The following CAPS2 variants were observed in gnomAD, a reference collection of about 807,000 sequenced individuals.
The protein encoded by CAPS2 is calcyphosin-2.
CAPS2 carries 98 observed loss-of-function variants against 86.5 expected under a neutral mutation model. The ratio of observed to expected loss-of-function variants is 1.13; its 90% confidence interval spans 0.96 to 1.34. The LOEUF (loss-of-function observed/expected upper bound fraction) is 1.34. Among genes scored for constraint, CAPS2 ranks in the 40% most tolerant of loss-of-function variants. The pLI is 0.00. For synonymous variants in CAPS2, 210 were observed against 225.1 expected (o/e 0.93, Z 0.60); for missense variants, 729 against 686.8 (o/e 1.06, Z -0.69).
chr12:75,334,622 G>T (rs1222405430), upstream of CAPS2: 1 of 1,506,426 alleles, frequency 6.6e-7, no homozygotes, highest in Non-Finnish European at 8.8e-7. Context: ...TGTGCGGCAG[G>T]ATGGAGCCAA....
At chr12:75,387,860 C>T (rs996230268) in intron 1 of CAPS2, among the ~76,000 whole-genome samples, 1 of 152,150 alleles carries the variant, frequency 6.6e-6, no homozygotes, top group Non-Finnish European at 1.5e-5. Context: ...TTGAAAGGGA[C>T]AAATATCCAA....
chr12:75,337,351 T>TA (rs35917340), intron 1 of CAPS2, among the ~76,000 whole-genome samples: 47 of 151,440 alleles, frequency 3.1e-4, no homozygotes, highest in African/African-American at 9.9e-4. Context: ...AAACCAGTAG[T>TA]AAAAAAAAGA....
exon 17 of CAPS2, chr12:75,277,457 T>C (rs1467298666): frequency 4.3e-6 from 4 of 925,182 alleles, no homozygotes; most frequent in Non-Finnish European, 5.2e-6. Context: ...AATAGTGTTA[T>C]AGACTTATTT....
At chr12:75,289,553 A>T (rs1172810637) in intron 14 of CAPS2, 68 bp downstream of exon 14, 2 of 1,370,472 alleles carry the variant, frequency 1.5e-6, no homozygotes, top group Non-Finnish European at 1.0e-6. Flanking sequence ...AAATTTCAGT[A>T]GAACAGTGAA....
At chr12:75,347,642 TTA>T in intron 1 of CAPS2, 1 of 1,609,420 alleles carries the variant, frequency 6.2e-7, no homozygotes, top group Non-Finnish European at 8.5e-7. Flanking sequence ...CCAATTCATT[TTA>T]TGTCGGTTGT....
chr12:75,278,509 G>A, exon 17 of CAPS2: 1 of 989,200 alleles, frequency 1.0e-6, no homozygotes, highest in Non-Finnish European at 1.2e-6. Context: ...CAATGTGAAA[G>A]GACAGGAAAC....
chr12:75,320,844 C>T, intron 5 of CAPS2, among the ~76,000 whole-genome samples: 1 of 151,932 alleles, frequency 6.6e-6, no homozygotes, highest in East Asian at 1.9e-4. Context: ...GAAAGCATTA[C>T]AATTACTATG....
At chr12:75,389,881 C>G (rs1287542660) in intron 1 of CAPS2, among the ~76,000 whole-genome samples, 1 of 152,150 alleles carries the variant, frequency 6.6e-6, no homozygotes, top group Non-Finnish European at 1.5e-5. Context: ...TGTGTCTTGT[C>G]TACTGATCTT....
At chr12:75,323,562 G>A (rs1303290739) in intron 2 of CAPS2, among the ~76,000 whole-genome samples, 1 of 152,108 alleles carries the variant, frequency 6.6e-6, no homozygotes, top group South Asian at 2.1e-4. Context: ...TGACCAACAT[G>A]GAGAAACTCT....
chr12:75,312,816 A>G, intron 7 of CAPS2, 32 bp downstream of exon 7: 2 of 1,215,560 alleles, frequency 1.6e-6, no homozygotes, highest in South Asian at 1.2e-5. Flanking sequence ...AACTTTCTGA[A>G]TTGATTTCTA....
intron 7 of CAPS2, among the ~76,000 whole-genome samples, chr12:75,309,921 C>G (rs2038962825): frequency 6.6e-6 from 1 of 152,122 alleles, no homozygotes; most frequent in African/African-American, 2.4e-5. Flanking sequence ...GTTAATTTGG[C>G]AGAAGCAAAA....
chr12:75,341,716 G>C (rs1340216870), intron 1 of CAPS2, among the ~76,000 whole-genome samples: 1 of 150,218 alleles, frequency 6.7e-6, no homozygotes, highest in African/African-American at 2.5e-5. Context: ...AAAGTGTTGG[G>C]ATTAAAGGCG....
chr12:75,319,504 C>T (rs888396174), intron 5 of CAPS2, among the ~76,000 whole-genome samples: 1 of 152,112 alleles, frequency 6.6e-6, no homozygotes, highest in African/African-American at 2.4e-5. Context: ...TTAGCAAGTG[C>T]CTAATCTTCA....
intron 1 of CAPS2, among the ~76,000 whole-genome samples, chr12:75,368,389 A>C (rs892954683): frequency 6.6e-6 from 1 of 151,516 alleles, no homozygotes; most frequent in Non-Finnish European, 1.5e-5. Context: ...TCTTGAACTA[A>C]TGCTACTTCT....
At chr12:75,370,279 A>C (rs1466575794) in intron 1 of CAPS2, 9 of 626,888 alleles carry the variant, frequency 1.4e-5, no homozygotes, top group Non-Finnish European at 2.2e-5. Context: ...AATCTTCTAC[A>C]CTCTTGCCTG....
At chr12:75,357,400 T>C (rs1376346063) in intron 1 of CAPS2, among the ~76,000 whole-genome samples, 1 of 152,122 alleles carries the variant, frequency 6.6e-6, no homozygotes, top group African/African-American at 2.4e-5. Context: ...GAGAATTAGA[T>C]AAATCCATAA....
At chr12:75,289,665 A>T in exon 14 of CAPS2, 1 of 1,613,386 alleles carries the variant, frequency 6.2e-7, no homozygotes, top group Non-Finnish European at 8.5e-7. Context: ...GCTTGCTTAA[A>T]ATCTGCCTTA....
chr12:75,371,167 G>A (rs2044332984), intron 1 of CAPS2: 1 of 152,574 alleles, frequency 6.6e-6, no homozygotes, highest in African/African-American at 2.4e-5. Flanking sequence ...CAAAAGTCGG[G>A]AAGCCGACAA....
chr12:75,293,424 T>A, intron 11 of CAPS2, 57 bp from the exon 12 acceptor site: 1 of 1,016,946 alleles, frequency 9.8e-7, no homozygotes, highest in Non-Finnish European at 1.5e-6. Flanking sequence ...AAAATATAAC[T>A]AACATCAATT....
Sources: allele counts gnomAD v4.1 joint callset (sites outside exome capture counted in the v4.1 genomes callset), GRCh38; gene constraint gnomAD v4.1.1; transcripts MANE v1.5; gene names NCBI Gene and HGNC (gene_info 2026-07-23, HGNC 2026-07-21).